MACROH2A1: variants seen among roughly 807,000 people sequenced by gnomAD.
MACROH2A1 encodes the protein core histone macro-H2A.1.
A neutral mutation model predicts 31.6 loss-of-function variants in MACROH2A1; 2 were observed. The ratio of observed to expected loss-of-function variants is 0.06; its 90% CI spans 0.03 to 0.20. The LOEUF (loss-of-function observed/expected upper bound fraction) is 0.20. MACROH2A1 is among the 10% of genes least tolerant of loss of function. MACROH2A1 has a pLI of 1.00. For missense variants in MACROH2A1, 230 were observed against 474.0 expected, an observed-to-expected ratio of 0.49 and a Z score of 4.78; for synonymous variants, 169 against 189.6, an observed-to-expected ratio of 0.89 and a Z score of 0.89.
intron 4 of MACROH2A1, among the ~76,000 whole-genome samples, chr5:135,366,574 T>C (rs776108189): frequency 1.5e-4 from 23 of 151,202 alleles, no homozygotes; most frequent in Non-Finnish European, 2.5e-4. Context: ...GCTCATACGA[T>C]TTTTATTTAA....
intron 6 of MACROH2A1, chr5:135,350,889 C>A (rs1367427551): frequency 1.2e-6 from 2 of 1,612,258 alleles, no homozygotes; most frequent in Non-Finnish European, 1.7e-6. Flanking sequence ...TCGATCGAGG[C>A]AATGTCAGCC....
intron 1 of MACROH2A1, among the ~76,000 whole-genome samples, chr5:135,397,776 G>T (rs539926526): frequency 6.6e-6 from 1 of 152,286 alleles, no homozygotes; most frequent in South Asian, 2.1e-4. Flanking sequence ...CTGACAACAG[G>T]CTAGTAGCCT....
chr5:135,338,982 T>C (rs1369332655), intron 8 of MACROH2A1, among the ~76,000 whole-genome samples: 1 of 152,214 alleles, frequency 6.6e-6, no homozygotes, highest in Non-Finnish European at 1.5e-5. Flanking sequence ...CTGCCAGTAC[T>C]GCGGCCACCA....
At chr5:135,347,547 G>C (rs1443378036) in intron 6 of MACROH2A1, 1 of 152,270 alleles carries the variant, frequency 6.6e-6, no homozygotes, top group African/African-American at 2.4e-5. Context: ...GGCAGAGTGA[G>C]AATGTCACAC....
intron 2 of MACROH2A1, among the ~76,000 whole-genome samples, chr5:135,388,644 A>C (rs1261582000): frequency 6.6e-6 from 1 of 152,230 alleles, no homozygotes; most frequent in Non-Finnish European, 1.5e-5. Flanking sequence ...GGGACAGCTG[A>C]GGAAATTTCA....
chr5:135,379,054 TC>T (rs1765292739), intron 2 of MACROH2A1, among the ~76,000 whole-genome samples: 1 of 152,162 alleles, frequency 6.6e-6, no homozygotes. Context: ...AAAGACTACC[TC>T]AGCTACTAGT....
chr5:135,387,951 G>A (rs1434570027), intron 2 of MACROH2A1, among the ~76,000 whole-genome samples: 1 of 150,812 alleles, frequency 6.6e-6, no homozygotes, highest in Non-Finnish European at 1.5e-5. Flanking sequence ...GAACCAGCTT[G>A]AAGATCAAAT....
Position 135,343,472 on chromosome 5 carries a change from G to A in MACROH2A1, c.779-38C>T, listed in dbSNP as rs371364959. ...GGATGAAACAGAAACAGTGAGCTCT[G>A]GTTCACTGCAAAGCACAAGATGCCA... On this transcript the variant is annotated intron_variant, in intron 7 of 8. Transcript: ENST00000511689. The A allele has an allele frequency of 2.0e-5, 32 of 1,608,462 alleles. No homozygotes were observed. The African/African-American group carries it at 4.0e-4, about 20-fold the overall frequency.
rs188682834 is a variant in MACROH2A1, at chr5:135,358,268, T to A, written c.588+2229A>T. On this transcript the variant is annotated intron_variant, in intron 5 of 8. Transcript: ENST00000511689. ...CACTCCGTCTCATGCTGCAGGGGTG[T>A]AGGATTCCAGAAAGGGCAGTTGGAA... 6.1e-6 allele frequency: 6 copies of A among 985,166 alleles called. No individual in the cohort carries two copies. The African/African-American group carries it at 1.0e-4, about 17-fold the overall frequency. 61.0% of individuals were successfully genotyped at this position (985,166 alleles called of 1,614,324 possible). A position where few individuals can be genotyped will look rare whatever the true frequency, so the allele number is the denominator to read the frequency against.
Position 135,373,733 on chromosome 5 carries a change from A to G in MACROH2A1, c.173-3591T>C, listed in dbSNP as rs146864651. On this transcript the variant is annotated intron_variant, in intron 2 of 8. Coordinates refer to ENST00000511689, the MANE Select transcript of MACROH2A1 (RefSeq NM_138610.3). ...ATCCAAGACTCTTCCTTTTTGCAAAACCCCAGCTCATCTTTTATCTGCACA... is the reference window on the plus strand; with the variant it reads ...ATCCAAGACTCTTCCTTTTTGCAAAGCCCCAGCTCATCTTTTATCTGCACA... Among the ~76,000 whole-genome samples, 321 of 151,482 alleles carry G rather than the reference A, an allele frequency of 2.1e-3. 2 individuals are homozygous for G. The highest frequency in any genetic ancestry group is 7.3e-3 in the African/African-American group (303 of 41,286).
intron 4 of MACROH2A1, among the ~76,000 whole-genome samples, chr5:135,367,550 A>G (rs918296818): frequency 1.3e-5 from 2 of 152,254 alleles, no homozygotes; most frequent in African/African-American, 2.4e-5. Context: ...TCAGAAAGTC[A>G]TAGAACAAAA....
intron 2 of MACROH2A1, among the ~76,000 whole-genome samples, chr5:135,379,094 G>T (rs1188967984): frequency 2.0e-5 from 3 of 152,158 alleles, no homozygotes; most frequent in Non-Finnish European, 4.4e-5. Context: ...TCAGAATATC[G>T]ATGGCAAGGG....
At chr5:135,341,306 A>G (rs1206009196) in intron 8 of MACROH2A1, among the ~76,000 whole-genome samples, 2 of 152,080 alleles carry the variant, frequency 1.3e-5, no homozygotes, top group Non-Finnish European at 2.9e-5. Flanking sequence ...CACTCACAGA[A>G]CCCCAGGACC....
At chr5:135,343,525 A>G (rs1021241021) in intron 7 of MACROH2A1, 91 bp from the exon 8 acceptor site, 14 of 1,563,360 alleles carry the variant, frequency 9.0e-6, no homozygotes, top group Middle Eastern at 1.7e-4. Flanking sequence ...CTGCCACGGT[A>G]TATCTTCCTG....
rs569196199 is a variant in MACROH2A1, at chr5:135,389,765, T to C, written c.-33-639A>G. ...CCCAGTCCAGAGGAAAACCCTCCTC[T>C]ACACCTCTTGTGGGGCTCTTTCTCT... On this transcript the variant is annotated intron_variant, in intron 1 of 8. Transcript: ENST00000511689. Among the ~76,000 whole-genome samples the C allele has an allele frequency of 2.0e-5, 3 of 152,338 alleles. No homozygotes were observed. The South Asian group carries it at 6.2e-4, about 32-fold the overall frequency.
intron 1 of MACROH2A1, among the ~76,000 whole-genome samples, chr5:135,390,852 T>C (rs971232275): frequency 2.0e-5 from 3 of 152,134 alleles, no homozygotes; most frequent in African/African-American, 7.2e-5. Context: ...GAGATGGCTG[T>C]GAGGACAGAA....
At chr5:135,361,656 GA>G (rs1762860210) in intron 4 of MACROH2A1, 1 of 152,212 alleles carries the variant, frequency 6.6e-6, no homozygotes, top group South Asian at 2.1e-4. Flanking sequence ...AATCCAGAAA[GA>G]AGGGGTGAGA....
chr5:135,372,690 G>A (rs528704958), intron 2 of MACROH2A1, among the ~76,000 whole-genome samples: 6 of 152,296 alleles, frequency 3.9e-5, no homozygotes, highest in East Asian at 1.9e-4. Context: ...TCCTGCCCAC[G>A]GCCCAAGAGG....
chr5:135,388,048 C>CA (rs55971554), intron 2 of MACROH2A1, among the ~76,000 whole-genome samples: 5,214 of 80,824 alleles, frequency 0.065, 143 homozygotes, highest in Admixed American at 0.098. Context: ...ATTGATACTT[C>CA]AAAAAAAAAA....
Sources: gnomAD v4.1 joint callset for allele counts (sites outside exome capture counted in the v4.1 genomes callset) on GRCh38, gnomAD v4.1.1 for gene constraint, MANE v1.5 for transcripts, NCBI Gene and HGNC (gene_info 2026-07-23, HGNC 2026-07-21) for gene names.